TOX: variants seen among roughly 807,000 people sequenced by gnomAD.
TOX encodes thymocyte selection-associated high mobility group box protein TOX.
In TOX, 11 loss-of-function variants were observed where a neutral mutation model predicts 53.7. The ratio of observed to expected loss-of-function variants is 0.20; its 90% confidence interval spans 0.13 to 0.34. The LOEUF is 0.34. Ranked by LOEUF, TOX falls within the 10% of genes least tolerant of loss-of-function variation. The pLI, the probability that TOX is intolerant of heterozygous loss-of-function variation, is 1.00. For missense variants in TOX, 570 were observed against 664.6 expected (o/e 0.86, Z 1.56); for synonymous variants, 225 against 245.3 (o/e 0.92, Z 0.77).
chr8:59,091,947 T>C (rs1804613878), intron 1 of TOX, among the ~76,000 whole-genome samples: 1 of 152,052 alleles, frequency 6.6e-6, no homozygotes, highest in African/African-American at 2.4e-5. Flanking sequence ...GTAAGATTTG[T>C]TTTTAATAAA....
At chr8:58,953,311 T>C (rs1330639598) in intron 2 of TOX, among the ~76,000 whole-genome samples, 1 of 152,146 alleles carries the variant, frequency 6.6e-6, no homozygotes, top group Non-Finnish European at 1.5e-5. Context: ...TTTTATAAAC[T>C]GTAAGAAATA....
intron 1 of TOX, among the ~76,000 whole-genome samples, chr8:59,078,946 T>A (rs956052571): frequency 6.6e-6 from 1 of 152,218 alleles, no homozygotes; most frequent in Non-Finnish European, 1.5e-5. Flanking sequence ...AGGTCCCATG[T>A]GGTATGCGTT....
intron 1 of TOX, among the ~76,000 whole-genome samples, chr8:59,093,621 G>A (rs757820312): frequency 6.6e-6 from 1 of 152,120 alleles, no homozygotes; most frequent in Non-Finnish European, 1.5e-5. Flanking sequence ...TGTACCTGAA[G>A]TCCTTTCTTT....
At chr8:58,911,028 A>G (rs571433957) in intron 3 of TOX, among the ~76,000 whole-genome samples, 47 of 152,274 alleles carry the variant, frequency 3.1e-4, no homozygotes, top group Middle Eastern at 3.4e-3. Context: ...TTGCTTGGTA[A>G]AATATTTCTT....
At position 58,871,958 on chromosome 8, in the gene TOX, C is replaced by T. The variant is rs541945690; in HGVS notation, c.412-20153G>A. On this transcript the variant is annotated intron_variant, in intron 3 of 8. Transcript: ENST00000361421. ...CCCCAGTAGCAATGAGCATACCTAG[C>T]CATCTTAGTTTCTGATACCATTCTC... Among the ~76,000 whole-genome samples, 178 of 152,158 alleles carry T rather than the reference C, an allele frequency of 1.2e-3. 1 individual carries two copies. The highest frequency in any genetic ancestry group is 3.4e-3 in the Middle Eastern group (1 of 292).
chr8:59,077,151 A>G (rs867449526), intron 1 of TOX, among the ~76,000 whole-genome samples: 1 of 152,224 alleles, frequency 6.6e-6, no homozygotes, highest in Non-Finnish European at 1.5e-5. Flanking sequence ...TGGGATGAAC[A>G]TCTTTGAGGA....
chr8:58,881,707 G>A (rs551544782), intron 3 of TOX, among the ~76,000 whole-genome samples: 1 of 123,194 alleles, frequency 8.1e-6, no homozygotes, highest in East Asian at 2.6e-4. Flanking sequence ...TTGGGAGACA[G>A]AGTGAGATTC....
intron 3 of TOX, among the ~76,000 whole-genome samples, chr8:58,888,172 T>C (rs1442686653): frequency 6.6e-6 from 1 of 152,094 alleles, no homozygotes; most frequent in Non-Finnish European, 1.5e-5. Context: ...CGGTCCACTG[T>C]TGACTGAAAT....
rs551825753 is a variant in TOX, at chr8:58,996,446, T to A, written c.103-36438A>T. On this transcript the variant is annotated intron_variant, in intron 1 of 8. Transcript: ENST00000361421. ...ATTAGATTACAATCAATTGCCTTTCTTTTAAGTCCTTTCTGGAAAAAGGCT... is the reference window on the plus strand; with the variant it reads ...ATTAGATTACAATCAATTGCCTTTCATTTAAGTCCTTTCTGGAAAAAGGCT... Among the ~76,000 whole-genome samples the A allele has an allele frequency of 1.9e-3, 296 of 152,350 alleles. 1 individual carries two copies. The highest frequency in any genetic ancestry group is 3.4e-3 in the Non-Finnish European group (231 of 68,026).
intron 1 of TOX, among the ~76,000 whole-genome samples, chr8:59,037,430 C>T (rs1360793612): frequency 6.6e-6 from 1 of 152,096 alleles, no homozygotes; most frequent in Non-Finnish European, 1.5e-5. Context: ...ACTGTTAGGG[C>T]TATGTTATAG....
At chr8:58,897,785 T>A (rs1811676583) in intron 3 of TOX, among the ~76,000 whole-genome samples, 1 of 151,962 alleles carries the variant, frequency 6.6e-6, no homozygotes, top group Non-Finnish European at 1.5e-5. Flanking sequence ...GAATGATAAA[T>A]CCTGTTTGCC....
At chr8:59,107,050 G>GA (rs1554547187) in intron 1 of TOX, among the ~76,000 whole-genome samples, 3 of 132,370 alleles carry the variant, frequency 2.3e-5, no homozygotes, top group South Asian at 5.2e-4. Context: ...GTTTGCTGGG[G>GA]GGGGGGGGAA....
At chr8:59,098,195 C>T (rs968027285) in intron 1 of TOX, among the ~76,000 whole-genome samples, 4 of 152,128 alleles carry the variant, frequency 2.6e-5, no homozygotes, top group Admixed American at 6.5e-5. Flanking sequence ...AGAGAGTGAA[C>T]GCCAGAACAG....
At chr8:58,949,135 A>C (rs538919847) in intron 2 of TOX, among the ~76,000 whole-genome samples, 1 of 152,332 alleles carries the variant, frequency 6.6e-6, no homozygotes, top group East Asian at 1.9e-4. Context: ...ATCAGGATTA[A>C]ATAAGACAAA....
chr8:58,952,065 C>A (rs756346352), intron 2 of TOX, among the ~76,000 whole-genome samples: 3 of 152,132 alleles, frequency 2.0e-5, no homozygotes, highest in Non-Finnish European at 4.4e-5. Flanking sequence ...AACTGAGGAA[C>A]TGAAACTGCA....
chr8:58,954,163 T>C (rs544104869), intron 2 of TOX, among the ~76,000 whole-genome samples: 2 of 152,342 alleles, frequency 1.3e-5, no homozygotes, highest in African/African-American at 4.8e-5. Flanking sequence ...TCATGTTAAC[T>C]CTTTGAGTCT....
chr8:58,992,338 C>A (rs1813469749), intron 1 of TOX, among the ~76,000 whole-genome samples: 1 of 152,168 alleles, frequency 6.6e-6, no homozygotes. Context: ...CGTAGAAATG[C>A]ATCAATGATT....
At chr8:58,931,848 C>T (rs1240079934) in intron 3 of TOX, among the ~76,000 whole-genome samples, 3 of 152,118 alleles carry the variant, frequency 2.0e-5, no homozygotes, top group Non-Finnish European at 4.4e-5. Flanking sequence ...AGAAAAAGTA[C>T]AAGAACTCCT....
intron 5 of TOX, among the ~76,000 whole-genome samples, chr8:58,828,818 C>T (rs1810405646): frequency 6.6e-6 from 1 of 152,134 alleles, no homozygotes; most frequent in African/African-American, 2.4e-5. Flanking sequence ...TTTACATTTG[C>T]TTTTAATACC....
Sources: gnomAD v4.1 joint callset for allele counts (sites outside exome capture counted in the v4.1 genomes callset) on GRCh38, gnomAD v4.1.1 for gene constraint, MANE v1.5 for transcripts, NCBI Gene and HGNC (gene_info 2026-07-23, HGNC 2026-07-21) for gene names.